Variants in KCNT2 observed in about 807,000 individuals in gnomAD.
KCNT2 encodes potassium channel subfamily T member 2.
KCNT2 carries 67 observed loss-of-function variants against 153.8 expected under a neutral mutation model. The ratio of observed to expected loss-of-function variants is 0.44; its 90% CI spans 0.36 to 0.53. The LOEUF (loss-of-function observed/expected upper bound fraction) is 0.53. Among genes scored for constraint, KCNT2 ranks in the 20% least tolerant of loss-of-function variants. The pLI is 0.00. For missense variants in KCNT2, 975 were observed against 1,354.8 expected, an observed-to-expected ratio of 0.72 and a Z score of 4.40; for synonymous variants, 500 against 458.8, an observed-to-expected ratio of 1.09 and a Z score of -1.15.
chr1:196,555,537 C>G (rs754940168), intron 1 of KCNT2, among the ~76,000 whole-genome samples: 22 of 151,122 alleles, frequency 1.5e-4, no homozygotes, highest in Middle Eastern at 3.4e-3. Context: ...TCCATGTTCA[C>G]AGGTTGGAAG....
At chr1:196,253,279 T>C (rs961594599) in intron 26 of KCNT2, among the ~76,000 whole-genome samples, 1 of 151,436 alleles carries the variant, frequency 6.6e-6, no homozygotes, top group African/African-American at 2.4e-5. Context: ...GTATTTCGGA[T>C]AGTCTATTGC....
chr1:196,586,928 T>C (rs1470131057), intron 1 of KCNT2, among the ~76,000 whole-genome samples: 2 of 152,074 alleles, frequency 1.3e-5, no homozygotes, highest in Non-Finnish European at 2.9e-5. Context: ...GAAAAAATAT[T>C]TGACGTGAAG....
intron 8 of KCNT2, among the ~76,000 whole-genome samples, chr1:196,457,184 A>G (rs1676748749): frequency 6.6e-6 from 1 of 151,836 alleles, no homozygotes; most frequent in Non-Finnish European, 1.5e-5. Flanking sequence ...AGTGGAGTCC[A>G]TTTTCAGGCA....
chr1:196,361,147 C>G (rs1038307859), intron 14 of KCNT2, among the ~76,000 whole-genome samples: 1 of 151,766 alleles, frequency 6.6e-6, no homozygotes, highest in Non-Finnish European at 1.5e-5. Context: ...TTAAAAGAAC[C>G]GGTTGAGTTA....
chr1:196,545,530 G>C (rs561669219), intron 1 of KCNT2, among the ~76,000 whole-genome samples: 1 of 152,062 alleles, frequency 6.6e-6, no homozygotes, highest in East Asian at 1.9e-4. Flanking sequence ...GCTCCACTTG[G>C]TCTTTTCCTT....
At chr1:196,547,039 T>C (rs1020235534) in intron 1 of KCNT2, among the ~76,000 whole-genome samples, 8 of 151,962 alleles carry the variant, frequency 5.3e-5, no homozygotes, top group Admixed American at 2.0e-4. Flanking sequence ...TTATGCAACA[T>C]AGAGTAACAA....
intron 26 of KCNT2, among the ~76,000 whole-genome samples, chr1:196,241,965 A>G (rs1198321907): frequency 6.6e-6 from 1 of 152,138 alleles, no homozygotes; most frequent in Non-Finnish European, 1.5e-5. Context: ...AAAAGAAAGC[A>G]AACATGAACA....
intron 25 of KCNT2, among the ~76,000 whole-genome samples, chr1:196,279,395 AGAC>A (rs1326049977): frequency 6.6e-6 from 1 of 151,836 alleles, no homozygotes; most frequent in African/African-American, 2.4e-5. Context: ...TCAGGAGGAG[AGAC>A]GGCAGCAAAA....
intron 1 of KCNT2, among the ~76,000 whole-genome samples, chr1:196,526,852 C>A (rs1654289342): frequency 6.6e-6 from 1 of 151,996 alleles, no homozygotes; most frequent in South Asian, 2.1e-4. Context: ...TTGCATACTC[C>A]TCAGTGTGTT....
intron 23 of KCNT2, among the ~76,000 whole-genome samples, chr1:196,283,999 G>C (rs1659381224): frequency 6.6e-6 from 1 of 151,234 alleles, no homozygotes; most frequent in African/African-American, 2.4e-5. Context: ...GGGAGGCCAA[G>C]GTTGGCCGAT....
intron 14 of KCNT2, among the ~76,000 whole-genome samples, chr1:196,349,245 A>G (rs752466713): frequency 3.3e-4 from 50 of 152,164 alleles, no homozygotes; most frequent in Non-Finnish European, 6.2e-4. Context: ...AAATTCCGTG[A>G]CTTTGTAGCC....
rs777025058 is a variant in KCNT2 at position 196,285,712 on chromosome 1, G to A, written c.2642C>T (p.Pro881Leu). ...GSNLAFMFRL[P>L]FAAGRVFSIS... ...GCTAAACACCCTCCCAGCAGCAAAA[G>A]GCAGTCGAAACATAAAGGCCAAGTT... Residue 881 changes from proline to leucine, a missense_variant, in exon 23 of 28, where the codon CCT becomes CTT. By Grantham distance (98) the Pro-to-Leu change is moderately conservative. Coordinates refer to ENST00000294725, the MANE Select transcript of KCNT2 (RefSeq NM_198503.5). 6.2e-7 allele frequency: 1 copy of A among 1,613,580 alleles called. No homozygotes were observed.
intron 1 of KCNT2, among the ~76,000 whole-genome samples, chr1:196,550,641 A>G (rs1657769525): frequency 6.6e-6 from 1 of 151,862 alleles, no homozygotes; most frequent in Non-Finnish European, 1.5e-5. Flanking sequence ...AAATAAGCAC[A>G]GGACCACTTG....
intron 8 of KCNT2, among the ~76,000 whole-genome samples, chr1:196,458,012 G>A (rs1676829158): frequency 1.3e-5 from 2 of 151,852 alleles, no homozygotes; most frequent in South Asian, 2.1e-4. Flanking sequence ...TAACGCACGA[G>A]ACTAAAAACA....
Position 196,373,107 on chromosome 1 carries a change from TA to T in KCNT2, c.1403+32del, listed in dbSNP as rs1668669496. ...TGCCCTTATTGTTTTTTATATAATT[TA>T]AAAGGTTAACTTAAAGAAAAAATAT... On this transcript the variant is annotated intron_variant, in intron 14 of 27. Transcript: ENST00000294725. 3.9e-6 allele frequency: 4 copies of T among 1,018,890 alleles called. No homozygotes were observed. In the East Asian group the frequency reaches 9.7e-5, roughly 25 times the overall value. 63.1% of individuals were successfully genotyped at this position (1,018,890 alleles called of 1,614,324 possible). A position where few individuals can be genotyped will look rare whatever the true frequency, so the allele number is the denominator to read the frequency against.
intron 1 of KCNT2, among the ~76,000 whole-genome samples, chr1:196,494,438 C>T (rs1028697411): frequency 6.6e-6 from 1 of 151,996 alleles, no homozygotes; most frequent in Non-Finnish European, 1.5e-5. Flanking sequence ...CTGGCTCTGT[C>T]GCCCAGGCTG....
chr1:196,544,528 A>G (rs1174362898), intron 1 of KCNT2, among the ~76,000 whole-genome samples: 1 of 152,096 alleles, frequency 6.6e-6, no homozygotes. Flanking sequence ...TTCAACTTCT[A>G]ATAATGCTCT....
chr1:196,365,070 T>C (rs1667928791), intron 14 of KCNT2, among the ~76,000 whole-genome samples: 1 of 152,096 alleles, frequency 6.6e-6, no homozygotes, highest in Admixed American at 6.6e-5. Flanking sequence ...AACTGATTAG[T>C]ATTTGGAACC....
At chr1:196,289,045 A>T (rs1350254168) in intron 22 of KCNT2, among the ~76,000 whole-genome samples, 1 of 152,162 alleles carries the variant, frequency 6.6e-6, no homozygotes, top group Admixed American at 6.5e-5. Flanking sequence ...AAAAATAAAC[A>T]TAATAAAACC....
Sources: gnomAD v4.1 joint callset for allele counts (sites outside exome capture counted in the v4.1 genomes callset) on GRCh38, gnomAD v4.1.1 for gene constraint, MANE v1.5 for transcripts, NCBI Gene and HGNC (gene_info 2026-07-23, HGNC 2026-07-21) for gene names.